Variants in PSME4 observed in about 807,000 individuals in gnomAD.
PSME4 encodes proteasome activator subunit 4.
A neutral mutation model predicts 253.9 loss-of-function variants in PSME4; 89 were observed. The ratio of observed to expected loss-of-function variants is 0.35; its 90% CI spans 0.30 to 0.42. The LOEUF (loss-of-function observed/expected upper bound fraction) is 0.42. Ranked by LOEUF, PSME4 falls within the 10% of genes least tolerant of loss-of-function variation. PSME4 has a pLI of 1.00. For synonymous variants in PSME4, 851 were observed against 759.2 expected, an observed-to-expected ratio of 1.12 and a Z score of -1.99; for missense variants, 2,014 against 2,195.2, an observed-to-expected ratio of 0.92 and a Z score of 1.65.
intron 41 of PSME4, among the ~76,000 whole-genome samples, chr2:53,878,640 A>G (rs897252037): frequency 1.3e-5 from 2 of 152,176 alleles, no homozygotes; most frequent in African/African-American, 4.8e-5. Flanking sequence ...CACTTTGGGG[A>G]CGGCTGTCTT....
intron 11 of PSME4, among the ~76,000 whole-genome samples, chr2:53,927,899 G>A (rs540619119): frequency 1.7e-4 from 26 of 152,254 alleles, no homozygotes; most frequent in Admixed American, 3.9e-4. Flanking sequence ...GCAATGAGCC[G>A]AGGTCGCGCC....
chr2:53,876,161 G>A (rs1441365952), intron 41 of PSME4, among the ~76,000 whole-genome samples: 1 of 152,186 alleles, frequency 6.6e-6, no homozygotes, highest in Non-Finnish European at 1.5e-5. Flanking sequence ...CCACATTCAT[G>A]TGTTATTACA....
In PSME4 at chr2:53,887,350, A is replaced by G. The variant is rs758932142; in HGVS notation, c.4638T>C (p.Asp1546=). 1.2e-6 allele frequency: 2 copies of G among 1,613,940 alleles called. No individual in the cohort carries two copies. The highest frequency in any genetic ancestry group is 1.7e-6 in the Non-Finnish European group (2 of 1,179,834). The change falls in exon 40 of 47, where the codon GAT becomes GAC. Residue 1546 remains aspartate, a synonymous_variant. Transcript: ENST00000404125. The part of the protein sequence containing the change: ...RILEKLKPLM[D]VDEEIQNHVM... ...CATGGTTCTGAATTTCTTCATCCAC[A>G]TCCATGAGAGGTTTCAATTTCTCCA...
In PSME4 at chr2:53,926,193, A is replaced by G. The variant is rs74775362; in HGVS notation, c.1594-170T>C. The stretch of plus-strand genomic sequence containing the variant: ...CATCTACTACTTTCAATTTAGAACA[A>G]CTTCATCTACTACTTTCTAGGAACC... On this transcript the variant is annotated intron_variant, in intron 12 of 46. Transcript: ENST00000404125. 3.0e-3 allele frequency among the ~76,000 whole-genome samples: 456 copies of G among 152,330 alleles called. 1 individual carries two copies. Among genetic ancestry groups the G allele is most frequent in the African/African-American group, 0.01 (428 of 41,574 alleles).
rs1361695890 is a variant in PSME4 at position 53,970,593 on chromosome 2, C to T, written c.192G>A (p.Gln64=). 6.5e-7 allele frequency: 1 copy of T among 1,549,298 alleles called. No individual in the cohort carries two copies. Among genetic ancestry groups the T allele is most frequent in the Non-Finnish European group, 8.7e-7 (1 of 1,146,932 alleles). Residue 64 remains glutamine, a synonymous_variant, in exon 1 of 47, where the codon CAG becomes CAA. Transcript: ENST00000404125. ...QIKCNLGRAV[Q]LQELWPGGLF... is the part of the protein sequence containing the mutation. ...GGCCCCCGGGCCACAGCTCTTGGAG[C>T]TGCACGGCCCGGCCCAGGTTGCATT...
chr2:53,920,490 A>T (rs1668263012), intron 18 of PSME4, 140 bp from the exon 19 acceptor site: 11 of 873,832 alleles, frequency 1.3e-5, no homozygotes, highest in Admixed American at 6.4e-5. Flanking sequence ...GATATACAAA[A>T]AAGTAGCATG....
chr2:53,890,894 G>GCA (rs1249838978), intron 36 of PSME4, among the ~76,000 whole-genome samples: 1 of 152,136 alleles, frequency 6.6e-6, no homozygotes, highest in Non-Finnish European at 1.5e-5. Context: ...GAGCGTAGTG[G>GCA]CACATGCCTG....
At chr2:53,949,388 G>A (rs1045644331) in intron 1 of PSME4, 105 bp from the exon 2 acceptor site, 4 of 579,566 alleles carry the variant, frequency 6.9e-6, no homozygotes, top group Non-Finnish European at 1.1e-5. Context: ...CAACCTGAAT[G>A]GCCACAGAAG....
At chr2:53,929,648 C>G (rs1459763053) in intron 10 of PSME4, among the ~76,000 whole-genome samples, 1 of 150,910 alleles carries the variant, frequency 6.6e-6, no homozygotes, top group Non-Finnish European at 1.5e-5. Context: ...CAGAAGCTTT[C>G]TTGGAGATGT....
intron 3 of PSME4, among the ~76,000 whole-genome samples, chr2:53,943,583 G>A (rs1261940893): frequency 6.6e-6 from 1 of 152,184 alleles, no homozygotes; most frequent in East Asian, 1.9e-4. Context: ...GCTCATGCCT[G>A]TAATCCCAGC....
intron 45 of PSME4, among the ~76,000 whole-genome samples, chr2:53,866,450 C>T (rs935886047): frequency 2.0e-5 from 3 of 152,180 alleles, no homozygotes; most frequent in Non-Finnish European, 4.4e-5. Flanking sequence ...AAATACTTTG[C>T]AGTGCTAGAA....
chr2:53,951,004 G>A (rs1319600036), intron 1 of PSME4, among the ~76,000 whole-genome samples: 6 of 152,016 alleles, frequency 3.9e-5, no homozygotes, highest in Admixed American at 6.6e-5. Context: ...GTAAGTCAAC[G>A]GGAAAAAGAG....
intron 20 of PSME4, among the ~76,000 whole-genome samples, chr2:53,915,864 A>G (rs1226073164): frequency 6.6e-6 from 1 of 152,132 alleles, no homozygotes; most frequent in Non-Finnish European, 1.5e-5. Flanking sequence ...TGAGGTCAGG[A>G]GTTCGAGACC....
chr2:53,921,036 G>C lies in PSME4; in HGVS notation c.2115C>G (p.Thr705=). Residue 705 remains threonine (T), a synonymous_variant, in exon 18 of 47, where the codon ACC becomes ACG. Coordinates refer to ENST00000404125, the MANE Select transcript of PSME4 (RefSeq NM_014614.3). ...REQLVKILQR[T]LHLTCKQGYT... ...AACCCTGCTTACAGGTTAAATGTAG[G>C]GTTCTTTGGAGAATCTTTACAAGCT... The C allele has an allele frequency of 6.2e-7, 1 of 1,614,022 alleles. No individual in the cohort carries two copies. Among genetic ancestry groups the C allele is most frequent in the South Asian group, 1.1e-5 (1 of 91,072 alleles).
At chr2:53,911,939 A>C (rs1333905556) in intron 20 of PSME4, among the ~76,000 whole-genome samples, 1 of 152,226 alleles carries the variant, frequency 6.6e-6, no homozygotes, top group Non-Finnish European at 1.5e-5. Context: ...TCCATGTGAC[A>C]CTTTGAATTG....
At chr2:53,868,476 A>AT (rs201461075) in intron 44 of PSME4, among the ~76,000 whole-genome samples, 46 of 83,724 alleles carry the variant, frequency 5.5e-4, no homozygotes, top group Non-Finnish European at 8.9e-4. Context: ...TATAAAATAT[A>AT]TTTATAATAT....
intron 4 of PSME4, among the ~76,000 whole-genome samples, chr2:53,938,625 T>C (rs1468756488): frequency 6.6e-6 from 1 of 152,058 alleles, no homozygotes; most frequent in Non-Finnish European, 1.5e-5. Flanking sequence ...AGGTTTAAAA[T>C]ACAAACAGCA....
intron 44 of PSME4, among the ~76,000 whole-genome samples, chr2:53,868,578 A>T (rs1357602464): frequency 1.5e-5 from 2 of 132,918 alleles, no homozygotes; most frequent in Non-Finnish European, 3.1e-5. Context: ...TATATTATAA[A>T]ATATATTTAT....
intron 1 of PSME4, among the ~76,000 whole-genome samples, chr2:53,969,989 C>A (rs2293359): frequency 0.12 from 17,948 of 152,200 alleles, 1,205 homozygotes; most frequent in East Asian, 0.28. Context: ...TTTCGATCAA[C>A]TCCGCCAGGT....
Sources: gnomAD v4.1 joint callset for allele counts (sites outside exome capture counted in the v4.1 genomes callset) on GRCh38, gnomAD v4.1.1 for gene constraint, MANE v1.5 for transcripts, NCBI Gene and HGNC (gene_info 2026-07-23, HGNC 2026-07-21) for gene names.